The following NEU3 variants were observed in gnomAD, a reference collection of about 807,000 sequenced individuals.
NEU3 encodes sialidase-3.
NEU3 carries 10 observed loss-of-function variants against 11.4 expected under a neutral mutation model. The observed-to-expected ratio is 0.88, with a 90% CI of 0.54 to 1.49. The LOEUF (loss-of-function observed/expected upper bound fraction) is 1.49, where lower values mean the gene tolerates loss of function less well. Among genes scored for constraint, NEU3 ranks in the 40% most tolerant of loss-of-function variants. The pLI is 0.00. For synonymous variants in NEU3, 212 were observed against 228.2 expected (o/e 0.93, Z 0.64); for missense variants, 529 against 581.8 (o/e 0.91, Z 0.93).
At chr11:75,015,796 T>A (rs1591766219), downstream of NEU3, among the ~76,000 whole-genome samples, 2 of 152,228 alleles carry the variant, frequency 1.3e-5, no homozygotes, top group African/African-American at 2.4e-5. Context: ...GTGTCCCTAG[T>A]CTGTCAGTCA....
upstream of NEU3, among the ~76,000 whole-genome samples, chr11:74,987,260 C>T (rs1021762651): frequency 3.3e-5 from 5 of 152,144 alleles, no homozygotes; most frequent in Non-Finnish European, 5.9e-5. Context: ...ACCAAAGTGA[C>T]ATTTTTCTCC....
the NEU3 span, among the ~76,000 whole-genome samples, chr11:74,983,264 T>C: frequency 1.3e-5 from 2 of 152,228 alleles, no homozygotes; most frequent in Non-Finnish European, 2.9e-5. Flanking sequence ...TTAATACCAA[T>C]ATACATTTAA....
At chr11:75,015,602 G>A (rs997465411), downstream of NEU3, among the ~76,000 whole-genome samples, 3 of 152,140 alleles carry the variant, frequency 2.0e-5, no homozygotes, top group Non-Finnish European at 2.9e-5. Context: ...AAGTAATGCC[G>A]ATGCTGCAGG....
At chr11:75,019,953 C>T (rs1400314470), downstream of NEU3, among the ~76,000 whole-genome samples, 1 of 152,154 alleles carries the variant, frequency 6.6e-6, no homozygotes, top group Admixed American at 6.5e-5. Flanking sequence ...GTGAAAGCAG[C>T]CAGGAGGGAG....
At chr11:74,998,351 A>C (rs1307244603) in intron 2 of NEU3, among the ~76,000 whole-genome samples, 1 of 152,206 alleles carries the variant, frequency 6.6e-6, no homozygotes, top group African/African-American at 2.4e-5. Context: ...GGTTGCCACA[A>C]ACCTTCAGTT....
At chr11:75,012,418 G>A (rs1429404731), downstream of NEU3, among the ~76,000 whole-genome samples, 3 of 152,188 alleles carry the variant, frequency 2.0e-5, no homozygotes, top group Admixed American at 1.3e-4. Flanking sequence ...GCTTGGGTGA[G>A]CATCAAGTTT....
chr11:74,992,096 G>T (rs1446905772), intron 1 of NEU3, among the ~76,000 whole-genome samples: 1 of 152,240 alleles, frequency 6.6e-6, no homozygotes, highest in Non-Finnish European at 1.5e-5. Flanking sequence ...GAGCAGAGCT[G>T]AAGAAGGTGA....
intron 2 of NEU3, among the ~76,000 whole-genome samples, chr11:74,995,796 A>G (rs544135529): frequency 2.2e-3 from 339 of 151,070 alleles, no homozygotes; most frequent in Admixed American, 6.0e-3. Context: ...GTGTATTATT[A>G]TTATTATTAT....
chr11:75,011,271 A>T (rs1226059197), downstream of NEU3, among the ~76,000 whole-genome samples: 3 of 152,194 alleles, frequency 2.0e-5, no homozygotes, highest in African/African-American at 7.2e-5. Context: ...CTTGTAGCTG[A>T]AGGGGCCACA....
chr11:74,980,800 A>G, the NEU3 span, among the ~76,000 whole-genome samples: 1 of 152,362 alleles, frequency 6.6e-6, no homozygotes, highest in Admixed American at 6.5e-5. Context: ...ACTCTCCTCT[A>G]GAAAGAAGTA....
chr11:74,986,356 G>A (rs543856573), upstream of NEU3, among the ~76,000 whole-genome samples: 28 of 152,064 alleles, frequency 1.8e-4, no homozygotes, highest in Non-Finnish European at 2.8e-4. Context: ...ACTTTTCTAG[G>A]TATTGCTAAA....
downstream of NEU3, among the ~76,000 whole-genome samples, chr11:75,015,788 G>A (rs991824257): frequency 2.0e-5 from 3 of 152,158 alleles, no homozygotes; most frequent in African/African-American, 7.2e-5. Context: ...TCCAACTTGT[G>A]TCCCTAGTCT....
At chr11:74,987,570 T>C (rs554246240), upstream of NEU3, among the ~76,000 whole-genome samples, 46 of 152,092 alleles carry the variant, frequency 3.0e-4, no homozygotes, top group African/African-American at 1.1e-3. Context: ...TCCCAGCACT[T>C]TGGTAGGCCG....
At chr11:75,018,182 CTTA>C (rs1487251109) in intron 3 of NEU3, among the ~76,000 whole-genome samples, 1 of 151,918 alleles carries the variant, frequency 6.6e-6, no homozygotes, top group Non-Finnish European at 1.5e-5. Flanking sequence ...CACCTCTTAG[CTTA>C]TTGAGAGGAT....
At chr11:75,017,957 G>A (rs985876349) in intron 3 of NEU3, among the ~76,000 whole-genome samples, 2 of 152,066 alleles carry the variant, frequency 1.3e-5, no homozygotes, top group African/African-American at 4.8e-5. Flanking sequence ...TTAAATTAAG[G>A]TTATGCTTGC....
At chr11:75,005,311 A>G (rs1591760880) in intron 2 of NEU3, 102 bp from the exon 3 acceptor site, 2 of 1,232,468 alleles carry the variant, frequency 1.6e-6, no homozygotes, top group Non-Finnish European at 2.2e-6. Context: ...ATAGATTTCA[A>G]TATCATTTAT....
chr11:74,988,463 G>C (rs1461760215), upstream of NEU3: 1 of 152,342 alleles, frequency 6.6e-6, no homozygotes, highest in Non-Finnish European at 1.5e-5. Flanking sequence ...AGTGCTATGT[G>C]ACAAATCTAT....
At chr11:75,017,021 C>T (rs1188343909) in intron 3 of NEU3, among the ~76,000 whole-genome samples, 1 of 152,128 alleles carries the variant, frequency 6.6e-6, no homozygotes, top group Non-Finnish European at 1.5e-5. Context: ...TCCCAAAGGC[C>T]AGAATGGTGG....
Position 75,006,052 on chromosome 11 carries a change from G to A in NEU3, c.946G>A (p.Val316Met), listed in dbSNP as rs751826112. ...CEPPHGCQGS[V>M]VSFRPLEIPH... ...GCCCCCACATGGTTGCCAAGGGAGT[G>A]TGGTAAGTTTCCGGCCCCTGGAGAT... The change falls in exon 3 of 3, where the codon GTG (valine) becomes ATG (methionine). Residue 316 changes from valine to methionine, a missense_variant. Coordinates refer to ENST00000294064, the MANE Select transcript of NEU3 (RefSeq NM_006656.6). The A allele has an allele frequency of 1.2e-5, 19 of 1,613,886 alleles. No individual in the cohort carries two copies. The highest frequency in any genetic ancestry group is 1.4e-5 in the Non-Finnish European group (16 of 1,179,906).
Sources: allele counts gnomAD v4.1 joint callset (sites outside exome capture counted in the v4.1 genomes callset), GRCh38; gene constraint gnomAD v4.1.1; transcripts MANE v1.5; gene names NCBI Gene and HGNC (gene_info 2026-07-23, HGNC 2026-07-21).